The following CHST11 variants were observed in gnomAD, a reference collection of about 807,000 sequenced individuals.
The protein encoded by CHST11 is C4S-1.
A neutral mutation model predicts 30.4 loss-of-function variants in CHST11; 9 were observed. That is an observed-to-expected ratio of 0.30 (90% CI 0.18 to 0.52). CHST11 has a LOEUF of 0.52. Among genes scored for constraint, CHST11 ranks in the 20% least tolerant of loss-of-function variants. The pLI is 0.97. For synonymous variants in CHST11, 152 were observed against 187.8 expected, an observed-to-expected ratio of 0.81 and a Z score of 1.56; for missense variants, 348 against 460.6, an observed-to-expected ratio of 0.76 and a Z score of 2.24.
intron 1 of CHST11, among the ~76,000 whole-genome samples, chr12:104,545,213 T>A (rs765273155): frequency 1.5e-4 from 23 of 152,204 alleles, no homozygotes; most frequent in Non-Finnish European, 2.6e-4. Context: ...GTCATGTTCC[T>A]CCACACTCAG....
At chr12:104,486,073 C>T (rs1007642181) in intron 1 of CHST11, among the ~76,000 whole-genome samples, 2 of 152,220 alleles carry the variant, frequency 1.3e-5, no homozygotes, top group African/African-American at 2.4e-5. Flanking sequence ...CGTCTTCCTT[C>T]CCCTCCCAGC....
intron 1 of CHST11, among the ~76,000 whole-genome samples, chr12:104,486,564 T>C (rs1383336913): frequency 1.3e-5 from 2 of 152,176 alleles, no homozygotes; most frequent in East Asian, 3.8e-4. Context: ...TGGGCTGCAT[T>C]TTCTGGTACG....
At chr12:104,515,053 T>C (rs1024687053) in intron 1 of CHST11, among the ~76,000 whole-genome samples, 2 of 152,170 alleles carry the variant, frequency 1.3e-5, no homozygotes, top group African/African-American at 2.4e-5. Context: ...AGTTCATGAC[T>C]GAATCTAGCC....
intron 1 of CHST11, among the ~76,000 whole-genome samples, chr12:104,571,945 G>T (rs1225278194): frequency 6.6e-6 from 1 of 152,186 alleles, no homozygotes; most frequent in Non-Finnish European, 1.5e-5. Context: ...TTTTGTCAAA[G>T]GCCTTTTCTG....
chr12:104,640,958 A>G (rs1256995319), intron 2 of CHST11, among the ~76,000 whole-genome samples: 1 of 152,158 alleles, frequency 6.6e-6, no homozygotes, highest in Non-Finnish European at 1.5e-5. Context: ...TCCTGTGCCC[A>G]TAAATACCCC....
intron 2 of CHST11, among the ~76,000 whole-genome samples, chr12:104,743,480 C>T (rs557631188): frequency 4.9e-4 from 75 of 152,204 alleles, no homozygotes; most frequent in Non-Finnish European, 7.9e-4. Flanking sequence ...CCTTACTATC[C>T]TCAAACACCT....
chr12:104,462,982 T>C (rs774658043), intron 1 of CHST11, among the ~76,000 whole-genome samples: 3 of 152,050 alleles, frequency 2.0e-5, no homozygotes, highest in Non-Finnish European at 2.9e-5. Context: ...GAAAGGGTGG[T>C]TTGGGGGTTT....
intron 1 of CHST11, among the ~76,000 whole-genome samples, chr12:104,536,751 G>T (rs2038240738): frequency 6.6e-6 from 1 of 152,204 alleles, no homozygotes; most frequent in South Asian, 2.1e-4. Flanking sequence ...GAAGATGGTG[G>T]TTATTACTGT....
chr12:104,693,190 T>A (rs533090672), intron 2 of CHST11, among the ~76,000 whole-genome samples: 20 of 152,340 alleles, frequency 1.3e-4, no homozygotes, highest in Admixed American at 7.2e-4. Flanking sequence ...CATTGTATCT[T>A]AATTACCTCT....
rs190102862 is a variant in CHST11, at chr12:104,556,483, G to A, written c.119-45423G>A. ...GTTCTGGAGGCTCGAAGTCTGAGAT[G>A]AAGGCTTGGTTCCTTCTGGAGGCTC... On this transcript the variant is annotated intron_variant, in intron 1 of 2. Transcript: ENST00000303694. Among the ~76,000 whole-genome samples, 19 of 152,286 alleles carry A rather than the reference G, an allele frequency of 1.2e-4. No individual in the cohort carries two copies. In the East Asian group the frequency reaches 2.1e-3, roughly 17 times the overall value.
In CHST11 at chr12:104,508,365, C is replaced by CT. The variant is rs2037928243; in HGVS notation, c.118+50838dup. Reference sequence around the variant, plus strand: ...TAAAGTAAGTATCGTAACCTTCTTCCTTCTCTGCCAGGGTTGTCGTGTGGA... The same window carrying CT: ...TAAAGTAAGTATCGTAACCTTCTTCCTTTCTCTGCCAGGGTTGTCGTGTGGA... On this transcript the variant is annotated intron_variant, in intron 1 of 2. Coordinates refer to ENST00000303694, the MANE Select transcript of CHST11 (RefSeq NM_018413.6). Among the ~76,000 whole-genome samples the CT allele has an allele frequency of 2.0e-5, 3 of 152,312 alleles. No homozygotes were observed. The South Asian group carries it at 6.2e-4, about 32-fold the overall frequency.
chr12:104,671,556 A>G (rs1180339642), intron 2 of CHST11, among the ~76,000 whole-genome samples: 1 of 152,080 alleles, frequency 6.6e-6, no homozygotes, highest in Non-Finnish European at 1.5e-5. Context: ...CGCTTCCCCC[A>G]CAGGTTTCGC....
At chr12:104,586,506 G>T (rs564427827) in intron 1 of CHST11, among the ~76,000 whole-genome samples, 1 of 152,232 alleles carries the variant, frequency 6.6e-6, no homozygotes, top group East Asian at 1.9e-4. Context: ...TTAATGCCCC[G>T]CCATGCTTGA....
intron 1 of CHST11, among the ~76,000 whole-genome samples, chr12:104,478,867 G>C (rs2037590241): frequency 6.6e-6 from 1 of 152,162 alleles, no homozygotes; most frequent in African/African-American, 2.4e-5. Flanking sequence ...TGGGGGATGA[G>C]ATGACATGGT....
intron 1 of CHST11, among the ~76,000 whole-genome samples, chr12:104,508,480 A>G (rs2037929220): frequency 6.6e-6 from 1 of 152,238 alleles, no homozygotes; most frequent in Non-Finnish European, 1.5e-5. Flanking sequence ...AGCAGAGTTT[A>G]CATTTTCCCT....
Position 104,531,142 on chromosome 12 carries a change from G to A in CHST11, c.119-70764G>A, listed in dbSNP as rs538076388. ...TTTTTTTTCTCCTAGGAGAAGAATC[G>A]CTCAAAGATGATGGTCTTCCTTCTT... On this transcript the variant is annotated intron_variant, in intron 1 of 2. Coordinates refer to ENST00000303694, the MANE Select transcript of CHST11 (RefSeq NM_018413.6). Among the ~76,000 whole-genome samples, 47 of 152,046 alleles carry A rather than the reference G, an allele frequency of 3.1e-4. 1 individual carries two copies. Among genetic ancestry groups the A allele is most frequent in the Non-Finnish European group, 5.0e-4 (34 of 67,990 alleles).
chr12:104,721,771 A>G (rs1213265511), intron 2 of CHST11, among the ~76,000 whole-genome samples: 1 of 152,242 alleles, frequency 6.6e-6, no homozygotes, highest in Non-Finnish European at 1.5e-5. Context: ...ATGATAAGTC[A>G]GATTTCTGGA....
chr12:104,601,599 C>T (rs112752056), intron 1 of CHST11, among the ~76,000 whole-genome samples: 59 of 152,318 alleles, frequency 3.9e-4, no homozygotes, highest in African/African-American at 1.2e-3. Context: ...GCAGCCATTA[C>T]GCCATCTTTT....
Position 104,493,241 on chromosome 12 carries a change from G to A in CHST11, c.118+35712G>A, listed in dbSNP as rs1206165686. On this transcript the variant is annotated intron_variant, in intron 1 of 2. Transcript: ENST00000303694. ...GATGGCCTCAGCCATTCACATTCAGGCAGGAGCCGCTGATCCTAGTGTTTA... is the reference window on the plus strand; with the variant it reads ...GATGGCCTCAGCCATTCACATTCAGACAGGAGCCGCTGATCCTAGTGTTTA... 2.0e-5 allele frequency among the ~76,000 whole-genome samples: 3 copies of A among 152,204 alleles called. No homozygotes were observed. In the East Asian group the frequency reaches 5.8e-4, roughly 29 times the overall value.
Sources: allele counts gnomAD v4.1 joint callset (sites outside exome capture counted in the v4.1 genomes callset), GRCh38; gene constraint gnomAD v4.1.1; transcripts MANE v1.5; gene names NCBI Gene and HGNC (gene_info 2026-07-23, HGNC 2026-07-21).